The following MIA2 variants were observed in gnomAD, a reference collection of about 807,000 sequenced individuals.
MIA2 encodes melanoma inhibitory activity protein 2.
A neutral mutation model predicts 167.8 loss-of-function variants in MIA2; 127 were observed. The ratio of observed to expected loss-of-function variants is 0.76; its 90% confidence interval spans 0.66 to 0.88. The LOEUF (loss-of-function observed/expected upper bound fraction) is 0.88. Ranked by LOEUF, MIA2 falls within the 40% of genes least tolerant of loss-of-function variation. The probability of loss-of-function intolerance (pLI) is 0.00; values close to 1 mark genes in which losing one functional copy is unlikely to be tolerated. For missense variants in MIA2, 1,690 were observed against 1,624.7 expected (o/e 1.04, Z -0.69); for synonymous variants, 552 against 541.9 (o/e 1.02, Z -0.26).
At chr14:39,296,006 A>C (rs1293759794) in intron 13 of MIA2, among the ~76,000 whole-genome samples, 3 of 151,274 alleles carry the variant, frequency 2.0e-5, no homozygotes, top group African/African-American at 7.3e-5. Context: ...GCTTTGTTTA[A>C]TCTGTTAATT....
At chr14:39,241,305 C>T (rs550592606) in intron 3 of MIA2, among the ~76,000 whole-genome samples, 10 of 152,278 alleles carry the variant, frequency 6.6e-5, no homozygotes, top group African/African-American at 2.2e-4. Context: ...TAAATAAGGT[C>T]AGCGAGAAGT....
chr14:39,267,425 G>T (rs1209666849), intron 6 of MIA2: 2 of 1,610,750 alleles, frequency 1.2e-6, no homozygotes, highest in South Asian at 1.1e-5. Flanking sequence ...ACAGGCCGGG[G>T]TTACTGTGGC....
intron 6 of MIA2, among the ~76,000 whole-genome samples, chr14:39,264,331 T>A (rs957425609): frequency 6.6e-6 from 1 of 152,234 alleles, no homozygotes; most frequent in African/African-American, 2.4e-5. Flanking sequence ...CACATTTTCT[T>A]TATCCAATGC....
At chr14:39,297,764 T>C (rs995055961) in intron 13 of MIA2, among the ~76,000 whole-genome samples, 3 of 151,788 alleles carry the variant, frequency 2.0e-5, no homozygotes, top group African/African-American at 7.3e-5. Flanking sequence ...AATGTGTATA[T>C]ATTTATGTCA....
chr14:39,313,556 G>A, intron 19 of MIA2, 115 bp downstream of exon 19: 1 of 574,180 alleles, frequency 1.7e-6, no homozygotes, highest in East Asian at 3.5e-5. Context: ...AATCTGACAG[G>A]TGGTACAGAC....
intron 23 of MIA2, among the ~76,000 whole-genome samples, chr14:39,364,793 ATAAAGTTTCTGCTGAGAAATCTGTGGT>A (rs2074780796): frequency 6.6e-6 from 1 of 151,864 alleles, no homozygotes; most frequent in African/African-American, 2.4e-5. Flanking sequence ...CTCCTGGGCT[ATAAAGTTTCTGCTGAGAAATCTGTGGT>A]TATTTTGATG....
At chr14:39,351,182 C>T (rs144563027), downstream of MIA2, 355 of 152,134 alleles carry the variant, frequency 2.3e-3, 1 homozygote, top group African/African-American at 7.9e-3. Context: ...TAATAAACAT[C>T]ATAATACTTA....
intron 25 of MIA2, among the ~76,000 whole-genome samples, chr14:39,335,557 C>G (rs1260493014): frequency 6.6e-6 from 1 of 152,126 alleles, no homozygotes; most frequent in Non-Finnish European, 1.5e-5. Context: ...TCTAACTTAT[C>G]TCTTTTCTCA....
At chr14:39,329,477 C>G (rs1025510916) in intron 25 of MIA2, among the ~76,000 whole-genome samples, 1 of 152,056 alleles carries the variant, frequency 6.6e-6, no homozygotes, top group Admixed American at 6.6e-5. Context: ...TTGCCCTGGC[C>G]AGAACTTCCA....
At chr14:39,331,385 C>G (rs2068838047) in intron 25 of MIA2, among the ~76,000 whole-genome samples, 1 of 152,150 alleles carries the variant, frequency 6.6e-6, no homozygotes, top group Non-Finnish European at 1.5e-5. Flanking sequence ...ATACAGTACA[C>G]CGATGGGTCT....
intron 15 of MIA2, 90 bp downstream of exon 15, chr14:39,302,339 A>T: frequency 7.0e-7 from 1 of 1,436,618 alleles, no homozygotes; most frequent in Non-Finnish European, 9.5e-7. Context: ...TGTTCTTTAT[A>T]TGCTTTTACT....
chr14:39,270,967 TTAAGTC>T (rs1461598434), intron 6 of MIA2, among the ~76,000 whole-genome samples: 1 of 152,248 alleles, frequency 6.6e-6, no homozygotes, highest in African/African-American at 2.4e-5. Flanking sequence ...TAAATTTTGA[TTAAGTC>T]TAATTTATCT....
At chr14:39,377,471 A>G (rs1180843181) in intron 23 of MIA2, among the ~76,000 whole-genome samples, 1 of 152,224 alleles carries the variant, frequency 6.6e-6, no homozygotes, top group Non-Finnish European at 1.5e-5. Context: ...GAAATAAGGA[A>G]AAGAAATTGA....
intron 25 of MIA2, among the ~76,000 whole-genome samples, chr14:39,340,192 C>T (rs1320492059): frequency 1.3e-5 from 2 of 152,190 alleles, no homozygotes; most frequent in African/African-American, 2.4e-5. Flanking sequence ...TTTAAAAGAA[C>T]AAGGAGTGTG....
At chr14:39,356,025 G>T (rs1196855243), downstream of MIA2, among the ~76,000 whole-genome samples, 2 of 152,016 alleles carry the variant, frequency 1.3e-5, no homozygotes, top group East Asian at 1.9e-4. Flanking sequence ...TTTTTTTGTT[G>T]TGTCTCTGCC....
At chr14:39,277,567 T>G (rs375290891) in intron 7 of MIA2, among the ~76,000 whole-genome samples, 1 of 149,362 alleles carries the variant, frequency 6.7e-6, no homozygotes, top group East Asian at 2.0e-4. Context: ...CAGGCTGGTC[T>G]CAAACTCCTG....
intron 17 of MIA2, 114 bp downstream of exon 17, chr14:39,304,495 T>TA: frequency 1.8e-6 from 1 of 556,294 alleles, no homozygotes; most frequent in East Asian, 3.6e-5. Flanking sequence ...TATTTTTTTT[T>TA]AACTTTTGTT....
intron 25 of MIA2, among the ~76,000 whole-genome samples, chr14:39,339,515 A>G (rs927895998): frequency 5.9e-5 from 9 of 152,174 alleles, no homozygotes; most frequent in African/African-American, 2.2e-4. Context: ...TCTATGTGCT[A>G]TAGTTTGTTT....
intron 9 of MIA2, among the ~76,000 whole-genome samples, chr14:39,290,053 C>T (rs2060517324): frequency 6.6e-6 from 1 of 152,166 alleles, no homozygotes; most frequent in African/African-American, 2.4e-5. Context: ...CTTTATCACA[C>T]CTGGACATTC....
Sources: gnomAD v4.1 joint callset for allele counts (sites outside exome capture counted in the v4.1 genomes callset) on GRCh38, gnomAD v4.1.1 for gene constraint, MANE v1.5 for transcripts, NCBI Gene and HGNC (gene_info 2026-07-23, HGNC 2026-07-21) for gene names.